The following CSMD2 variants were observed in gnomAD, a reference collection of about 807,000 sequenced individuals.
The protein encoded by CSMD2 is CUB and Sushi multiple domains 2.
A neutral mutation model predicts 398.5 loss-of-function variants in CSMD2; 130 were observed. The observed-to-expected ratio is 0.33, with a 90% CI of 0.28 to 0.38. The LOEUF is 0.38. Ranked by LOEUF, CSMD2 falls within the 10% of genes least tolerant of loss-of-function variation. The probability of loss-of-function intolerance (pLI) is 1.00; values close to 1 mark genes in which losing one functional copy is unlikely to be tolerated. For synonymous variants in CSMD2, 1,828 were observed against 1,908.5 expected (o/e 0.96, Z 1.10); for missense variants, 3,829 against 4,764.9 (o/e 0.80, Z 5.78).
intron 5 of CSMD2, among the ~76,000 whole-genome samples, chr1:33,892,526 G>A (rs773694304): frequency 6.6e-6 from 1 of 152,008 alleles, no homozygotes; most frequent in Non-Finnish European, 1.5e-5. Flanking sequence ...TTATGCCTTT[G>A]CACCCTCATA....
At chr1:33,700,179 T>G (rs1645562699) in intron 23 of CSMD2, among the ~76,000 whole-genome samples, 1 of 152,100 alleles carries the variant, frequency 6.6e-6, no homozygotes, top group South Asian at 2.1e-4. Flanking sequence ...CAGCTAATTT[T>G]TGTAGTTTTA....
At chr1:34,125,125 C>CAA (rs773088573) in intron 1 of CSMD2, among the ~76,000 whole-genome samples, 5 of 152,136 alleles carry the variant, frequency 3.3e-5, no homozygotes, top group Non-Finnish European at 7.3e-5. Flanking sequence ...CAGGGAGTGA[C>CAA]AAATCCCTCT....
chr1:33,535,833 C>T (rs766763685), intron 62 of CSMD2, among the ~76,000 whole-genome samples: 4 of 152,186 alleles, frequency 2.6e-5, no homozygotes, highest in Non-Finnish European at 5.9e-5. Context: ...ACAGGGCTAG[C>T]CCTTCTCATC....
intron 5 of CSMD2, among the ~76,000 whole-genome samples, chr1:33,907,214 C>G (rs1643148565): frequency 6.8e-6 from 1 of 147,892 alleles, no homozygotes; most frequent in Non-Finnish European, 1.5e-5. Context: ...TGCCTCCTGG[C>G]TTTGCGCCAT....
chr1:33,945,313 T>C (rs1051546659), intron 3 of CSMD2, among the ~76,000 whole-genome samples: 1 of 152,232 alleles, frequency 6.6e-6, no homozygotes, highest in African/African-American at 2.4e-5. Flanking sequence ...TAAAAAGACT[T>C]TGTTATTTGA....
chr1:33,570,770 C>T (rs1327573729), intron 51 of CSMD2, among the ~76,000 whole-genome samples: 2 of 152,160 alleles, frequency 1.3e-5, no homozygotes, highest in Admixed American at 6.5e-5. Flanking sequence ...CTAGGCCAGC[C>T]TGCATCCAGT....
intron 1 of CSMD2, among the ~76,000 whole-genome samples, chr1:34,155,539 T>C (rs1640735496): frequency 6.6e-6 from 1 of 152,148 alleles, no homozygotes; most frequent in African/African-American, 2.4e-5. Flanking sequence ...TCTGATGGGC[T>C]CTGGATGGAG....
intron 10 of CSMD2, among the ~76,000 whole-genome samples, chr1:33,808,514 A>G (rs1366462835): frequency 6.6e-6 from 1 of 152,076 alleles, no homozygotes; most frequent in Non-Finnish European, 1.5e-5. Flanking sequence ...AGATGAAACA[A>G]TAATGTAAAT....
At chr1:33,604,475 G>A (rs1640448754) in intron 42 of CSMD2, among the ~76,000 whole-genome samples, 1 of 152,188 alleles carries the variant, frequency 6.6e-6, no homozygotes, top group Admixed American at 6.5e-5. Context: ...AAGATGAGAA[G>A]TCCCACTTTA....
intron 13 of CSMD2, among the ~76,000 whole-genome samples, chr1:33,758,216 T>G (rs1649314007): frequency 6.6e-6 from 1 of 152,190 alleles, no homozygotes; most frequent in South Asian, 2.1e-4. Flanking sequence ...CATGTTTGTA[T>G]TTTTGCCCCA....
intron 11 of CSMD2, among the ~76,000 whole-genome samples, chr1:33,790,013 G>A (rs963459364): frequency 2.0e-5 from 3 of 152,166 alleles, no homozygotes; most frequent in Non-Finnish European, 2.9e-5. Flanking sequence ...ATCCTCAATA[G>A]CCTTTTCAAA....
rs761883622 is a variant in CSMD2 at position 33,624,546 on chromosome 1, G to A, written c.5598C>T (p.Ile1866=). ...GGATGCCAGCGCCTTCGGGGACCAC[G>A]ATCTTCCACACACAGTTGAGGCTGT... ...YLNSLNCVWK[I]VVPEGAGIQI... The change falls in exon 35 of 71, where the codon ATC becomes ATT. Residue 1866 remains isoleucine, a synonymous_variant. Transcript: ENST00000373381. This position sits in a 1 kb window ranked among gnomAD's most constrained non-coding sequence, Gnocchi z 4.7. 8.7e-6 allele frequency: 14 copies of A among 1,613,794 alleles called. No homozygotes were observed. Among genetic ancestry groups the A allele is most frequent in the Admixed American group, 5.0e-5 (3 of 59,996 alleles).
intron 1 of CSMD2, 31 bp from the exon 2 acceptor site, chr1:34,089,224 A>C (rs1219434072): frequency 1.9e-6 from 3 of 1,588,826 alleles, no homozygotes; most frequent in Non-Finnish European, 2.6e-6. Flanking sequence ...AGTTCAGAAT[A>C]GCCAGAATAA....
chr1:33,891,210 A>AAC (rs1170624531), intron 5 of CSMD2, among the ~76,000 whole-genome samples: 3 of 151,138 alleles, frequency 2.0e-5, no homozygotes, highest in Admixed American at 2.0e-4. Context: ...CAAGAAAAAA[A>AAC]AAACAACCCC....
chr1:34,120,812 T>C lies in CSMD2; in HGVS notation c.188-31619A>G, dbSNP rs138061015. 5.9e-3 allele frequency among the ~76,000 whole-genome samples: 900 copies of C among 152,310 alleles called. 13 individuals carry two copies. The highest frequency in any genetic ancestry group is 0.021 in the African/African-American group (857 of 41,556). ...TGCCCACCTCAGCCTCCCAAAGTGC[T>C]GGGATTACAGGCGTGAGGCACCACA... On this transcript the variant is annotated intron_variant, in intron 1 of 70. Coordinates refer to ENST00000373381, the MANE Select transcript of CSMD2 (RefSeq NM_001281956.2).
At position 33,537,638 on chromosome 1, in the gene CSMD2, C is replaced by A; in HGVS notation, c.9632-29G>T. The A allele has an allele frequency of 6.3e-7, 1 of 1,587,986 alleles. No individual in the cohort carries two copies. The highest frequency in any genetic ancestry group is 1.2e-5 in the South Asian group (1 of 86,914). ...GGAAGACGAAGGGAGAAAGGCAGGT[C>A]TAAGTTGCTTTCCAGAACCCAATCT... On this transcript the variant is annotated intron_variant, in intron 60 of 70. Coordinates refer to ENST00000373381, the MANE Select transcript of CSMD2 (RefSeq NM_001281956.2). This position sits in a 1 kb window ranked among gnomAD's most constrained non-coding sequence, Gnocchi z 4.6.
chr1:33,836,485 C>G (rs1189094554), intron 6 of CSMD2, among the ~76,000 whole-genome samples: 1 of 152,230 alleles, frequency 6.6e-6, no homozygotes, highest in Non-Finnish European at 1.5e-5. Flanking sequence ...GGCAGACCAG[C>G]ATCCTGGAGT....
At chr1:33,615,146 T>A (rs1641302908) in intron 39 of CSMD2, among the ~76,000 whole-genome samples, 1 of 152,144 alleles carries the variant, frequency 6.6e-6, no homozygotes, top group Non-Finnish European at 1.5e-5. Context: ...CACGAGCCCA[T>A]CCTCAGAAAA....
At chr1:34,002,416 T>C (rs1274376550) in intron 3 of CSMD2, among the ~76,000 whole-genome samples, 1 of 152,190 alleles carries the variant, frequency 6.6e-6, no homozygotes, top group African/African-American at 2.4e-5. Context: ...AGTTCTGGGT[T>C]CAACACTCCC....
Sources: allele counts gnomAD v4.1 joint callset (sites outside exome capture counted in the v4.1 genomes callset), GRCh38; gene constraint gnomAD v4.1.1; non-coding constraint Gnocchi (gnomAD v3.1); transcripts MANE v1.5; gene names NCBI Gene and HGNC (gene_info 2026-07-23, HGNC 2026-07-21).